The following SBF2 variants were observed in gnomAD, a reference collection of about 807,000 sequenced individuals.
The protein encoded by SBF2 is myotubularin-related protein 13.
SBF2 carries 112 observed loss-of-function variants against 225.2 expected under a neutral mutation model. The ratio of observed to expected loss-of-function variants is 0.50; its 90% CI spans 0.43 to 0.58. The LOEUF is 0.58. Ranked by LOEUF, SBF2 falls within the 20% of genes least tolerant of loss-of-function variation. The pLI is 0.00. For synonymous variants in SBF2, 763 were observed against 773.3 expected (o/e 0.99, Z 0.22); for missense variants, 1,996 against 2,206.2 (o/e 0.90, Z 1.91).
chr11:9,969,727 T>A (rs940754707), intron 13 of SBF2, among the ~76,000 whole-genome samples: 12 of 152,216 alleles, frequency 7.9e-5, no homozygotes, highest in Non-Finnish European at 1.3e-4. Flanking sequence ...ATCCCTGTTA[T>A]ATTTTTCTCT....
chr11:10,063,521 C>G (rs1461718934), intron 2 of SBF2, among the ~76,000 whole-genome samples: 1 of 151,268 alleles, frequency 6.6e-6, no homozygotes, highest in East Asian at 1.9e-4. Context: ...CCACGCCCAG[C>G]TATTTCTTTG....
chr11:10,289,386 G>A (rs1233036420), intron 1 of SBF2, among the ~76,000 whole-genome samples: 4 of 152,172 alleles, frequency 2.6e-5, no homozygotes, highest in Non-Finnish European at 5.9e-5. Context: ...ACACCCAGGA[G>A]GGCGGGGCTG....
intron 16 of SBF2, among the ~76,000 whole-genome samples, chr11:9,917,065 T>TAA (rs146753594): frequency 6.6e-6 from 1 of 151,160 alleles, no homozygotes; most frequent in Non-Finnish European, 1.5e-5. Flanking sequence ...TATTTTCATT[T>TAA]AAAAAAAACT....
At chr11:10,179,015 T>C (rs1956605151) in intron 2 of SBF2, among the ~76,000 whole-genome samples, 1 of 141,118 alleles carries the variant, frequency 7.1e-6, no homozygotes, top group Non-Finnish European at 1.5e-5. Context: ...TATGCAGCCA[T>C]AAAAAATGAT....
At chr11:10,178,944 C>G (rs1239635815) in intron 2 of SBF2, among the ~76,000 whole-genome samples, 1 of 141,236 alleles carries the variant, frequency 7.1e-6, no homozygotes, top group African/African-American at 2.7e-5. Flanking sequence ...GGAACCAACC[C>G]AAATGTCCAA....
chr11:10,227,800 G>C (rs1958641323), intron 1 of SBF2, among the ~76,000 whole-genome samples: 4 of 151,906 alleles, frequency 2.6e-5, no homozygotes, highest in Admixed American at 6.6e-5. Context: ...ACTTGGCGAT[G>C]CAGGCTCTTT....
At chr11:10,264,565 AT>A (rs898040820) in intron 1 of SBF2, among the ~76,000 whole-genome samples, 24 of 152,052 alleles carry the variant, frequency 1.6e-4, no homozygotes, top group African/African-American at 4.8e-4. Flanking sequence ...TACTTTATTT[AT>A]TTTTTTATTT....
At chr11:9,956,412 CTATT>C (rs1156353767) in intron 16 of SBF2, among the ~76,000 whole-genome samples, 2 of 152,152 alleles carry the variant, frequency 1.3e-5, no homozygotes, top group African/African-American at 4.8e-5. Flanking sequence ...TTTATATACT[CTATT>C]TGTTCCATAC....
chr11:10,172,888 G>C (rs1037904130), intron 2 of SBF2, among the ~76,000 whole-genome samples: 2 of 151,832 alleles, frequency 1.3e-5, no homozygotes, highest in Admixed American at 1.3e-4. Context: ...GGCTGGTCTT[G>C]AACTACCGAT....
chr11:9,868,337 CAAAAAAAAAAAAA>C (rs35348349), intron 17 of SBF2, among the ~76,000 whole-genome samples: 5 of 26,376 alleles, frequency 1.9e-4, no homozygotes, highest in South Asian at 2.5e-3. Context: ...TACAAAAATA[CAAAAAAAAAAAAA>C]AAAAAAAAAA....
rs1853953083 is a variant in SBF2, at chr11:9,808,056, A to G, written c.4387T>C (p.Cys1463Arg). 2.5e-6 allele frequency: 4 copies of G among 1,614,084 alleles called. No homozygotes were observed. The highest frequency in any genetic ancestry group is 2.5e-6 in the Non-Finnish European group (3 of 1,180,028). ...FSQRSSLTLN[C>R]QGSGFAPVFL... ...ACTGGAGCAAAACCACTCCCCTGAC[A>G]GTTGAGGGTCAAGCTGCTCCTCTGA... Residue 1463 changes from cysteine (C) to arginine (R), a missense_variant, in exon 32 of 40, where the codon TGT becomes CGT. Transcript: ENST00000256190.
At chr11:10,297,973 AAGAG>A (rs1348463300), upstream of SBF2, among the ~76,000 whole-genome samples, 1 of 152,214 alleles carries the variant, frequency 6.6e-6, no homozygotes, top group African/African-American at 2.4e-5. Context: ...CCTTTCACCA[AAGAG>A]AGAGAGAGTA....
intron 15 of SBF2, among the ~76,000 whole-genome samples, chr11:9,962,336 T>C (rs1209415825): frequency 3.3e-5 from 5 of 152,346 alleles, no homozygotes; most frequent in African/African-American, 1.2e-4. Context: ...ATGTGATAAA[T>C]TGAAAAACAT....
At chr11:10,053,283 T>C (rs1950126039) in intron 2 of SBF2, among the ~76,000 whole-genome samples, 1 of 152,196 alleles carries the variant, frequency 6.6e-6, no homozygotes, top group African/African-American at 2.4e-5. Flanking sequence ...CAGATATGTC[T>C]TTTTATTTTC....
chr11:10,125,658 A>G (rs1420838980), intron 2 of SBF2, among the ~76,000 whole-genome samples: 2 of 152,198 alleles, frequency 1.3e-5, no homozygotes, highest in Non-Finnish European at 2.9e-5. Flanking sequence ...AGTTGTTTGA[A>G]CTAAGAAGTT....
chr11:10,296,026 A>G (rs1964528560), upstream of SBF2, among the ~76,000 whole-genome samples: 3 of 152,178 alleles, frequency 2.0e-5, no homozygotes, highest in South Asian at 6.2e-4. Flanking sequence ...CCTCACAACC[A>G]TTAAGCAGTC....
At chr11:9,783,390 C>G (rs570493913) in intron 38 of SBF2, among the ~76,000 whole-genome samples, 2 of 152,210 alleles carry the variant, frequency 1.3e-5, no homozygotes, top group African/African-American at 4.8e-5. Flanking sequence ...GCAGGTCCAA[C>G]CAAAGCACTG....
At chr11:10,229,228 T>C (rs1361189172) in intron 1 of SBF2, among the ~76,000 whole-genome samples, 1 of 152,188 alleles carries the variant, frequency 6.6e-6, no homozygotes, top group East Asian at 1.9e-4. Context: ...TTACTCTTGC[T>C]AGCAGTCTAT....
chr11:9,957,235 G>A (rs1022377305), intron 16 of SBF2: 10 of 152,100 alleles, frequency 6.6e-5, no homozygotes, highest in African/African-American at 2.4e-4. Flanking sequence ...ACCAGTATTC[G>A]TCTTCTCCAG....
Sources: allele counts gnomAD v4.1 joint callset (sites outside exome capture counted in the v4.1 genomes callset), GRCh38; gene constraint gnomAD v4.1.1; transcripts MANE v1.5; gene names NCBI Gene and HGNC (gene_info 2026-07-23, HGNC 2026-07-21).